The following ABLIM1 variants were observed in gnomAD, a reference collection of about 807,000 sequenced individuals.
The protein encoded by ABLIM1 is actin-binding LIM protein 1.
A neutral mutation model predicts 107.0 loss-of-function variants in ABLIM1; 40 were observed. The observed-to-expected ratio is 0.37, with a 90% confidence interval of 0.29 to 0.49. ABLIM1 has a LOEUF of 0.49. Among genes scored for constraint, ABLIM1 ranks in the 20% least tolerant of loss-of-function variants. ABLIM1 has a pLI of 0.97. For missense variants in ABLIM1, 857 were observed against 1,008.5 expected (o/e 0.85, Z 2.04); for synonymous variants, 357 against 357.3 (o/e 1.00, Z 0.01).
intron 16 of ABLIM1, 131 bp from the exon 17 acceptor site, chr10:114,444,265 C>T: frequency 2.8e-6 from 2 of 726,884 alleles, no homozygotes; most frequent in Non-Finnish European, 4.4e-6. Flanking sequence ...ATGCATGTGG[C>T]CCCAGAGCCT....
intron 6 of ABLIM1, among the ~76,000 whole-genome samples, chr10:114,527,727 C>T (rs777734461): frequency 1.4e-4 from 21 of 145,580 alleles, no homozygotes; most frequent in Admixed American, 7.8e-4. Context: ...ACGATCATAG[C>T]GCAATCAGCT....
intron 8 of ABLIM1, among the ~76,000 whole-genome samples, chr10:114,482,241 T>C (rs993253026): frequency 6.6e-6 from 1 of 152,148 alleles, no homozygotes; most frequent in African/African-American, 2.4e-5. Flanking sequence ...CCAGAATACG[T>C]TTTTCTTAGG....
intron 8 of ABLIM1, among the ~76,000 whole-genome samples, chr10:114,481,186 T>C (rs997259575): frequency 1.3e-5 from 2 of 152,114 alleles, no homozygotes; most frequent in Admixed American, 1.3e-4. Context: ...GTTGAGTAAG[T>C]AGATAAATGA....
At chr10:114,605,916 A>G (rs977556481) in intron 1 of ABLIM1, among the ~76,000 whole-genome samples, 3 of 152,068 alleles carry the variant, frequency 2.0e-5, no homozygotes, top group Admixed American at 6.6e-5. Context: ...GCCATTTTTG[A>G]TGTGTTACTT....
At chr10:114,551,616 T>C (rs968101203) in intron 4 of ABLIM1, among the ~76,000 whole-genome samples, 1 of 152,308 alleles carries the variant, frequency 6.6e-6, no homozygotes, top group Non-Finnish European at 1.5e-5. Flanking sequence ...AAGTGAAAGA[T>C]TGGCCCATGA....
chr10:114,487,301 T>G (rs1481241122), intron 8 of ABLIM1, among the ~76,000 whole-genome samples: 2 of 152,222 alleles, frequency 1.3e-5, no homozygotes, highest in African/African-American at 4.8e-5. Flanking sequence ...TCATTCAGTC[T>G]GATTATTGCA....
intron 8 of ABLIM1, among the ~76,000 whole-genome samples, chr10:114,474,205 G>C (rs1440799829): frequency 1.3e-5 from 2 of 151,990 alleles, no homozygotes; most frequent in African/African-American, 4.8e-5. Flanking sequence ...AGAATTTCTG[G>C]TTTACCTTTG....
At chr10:114,537,013 G>A (rs1426327692) in intron 6 of ABLIM1, among the ~76,000 whole-genome samples, 4 of 152,158 alleles carry the variant, frequency 2.6e-5, no homozygotes, top group Non-Finnish European at 5.9e-5. Flanking sequence ...AACCAACCAA[G>A]CAGTACATGT....
At chr10:114,686,354 A>T (rs1443174059), upstream of ABLIM1, among the ~76,000 whole-genome samples, 12 of 149,742 alleles carry the variant, frequency 8.0e-5, no homozygotes, top group Admixed American at 2.7e-4. Flanking sequence ...ACTAAAAATT[A>T]AAAAAAAAAT....
chr10:114,620,908 G>A (rs905526964), intron 1 of ABLIM1, among the ~76,000 whole-genome samples: 2 of 152,036 alleles, frequency 1.3e-5, no homozygotes, highest in African/African-American at 4.8e-5. Context: ...TCTGTAGTTT[G>A]CCCCAGGCTC....
At chr10:114,539,267 C>T (rs112277592) in intron 6 of ABLIM1, among the ~76,000 whole-genome samples, 2,388 of 152,070 alleles carry the variant, frequency 0.016, 80 homozygotes, top group African/African-American at 0.055. Flanking sequence ...GTGAGACAGG[C>T]GAATCACTTG....
intron 1 of ABLIM1, among the ~76,000 whole-genome samples, chr10:114,715,457 C>A (rs1195089252): frequency 1.3e-5 from 2 of 152,100 alleles, no homozygotes; most frequent in African/African-American, 4.8e-5. Flanking sequence ...TTTAGTGAAA[C>A]CAAACAAAAA....
At chr10:114,469,051 C>CAAA (rs71473043) in intron 10 of ABLIM1, among the ~76,000 whole-genome samples, 159 of 75,160 alleles carry the variant, frequency 2.1e-3, no homozygotes, top group Non-Finnish European at 2.5e-3. Flanking sequence ...GACTCTGTCT[C>CAAA]AAAAAAAAAA....
intron 1 of ABLIM1, among the ~76,000 whole-genome samples, chr10:114,605,309 A>G (rs2076333183): frequency 6.6e-6 from 1 of 152,226 alleles, no homozygotes; most frequent in African/African-American, 2.4e-5. Context: ...TGTTGACTCG[A>G]TGCTACAATT....
chr10:114,596,521 A>C (rs2075430746), intron 2 of ABLIM1, among the ~76,000 whole-genome samples: 1 of 152,272 alleles, frequency 6.6e-6, no homozygotes, highest in South Asian at 2.1e-4. Context: ...CCCCCATCAC[A>C]AAATACAACA....
intron 1 of ABLIM1, among the ~76,000 whole-genome samples, chr10:114,706,733 G>C (rs1023242883): frequency 2.0e-5 from 3 of 152,186 alleles, no homozygotes; most frequent in African/African-American, 7.2e-5. Flanking sequence ...TTTCCTAAAA[G>C]CTGAGAACTT....
chr10:114,767,439 C>G (rs551783789), intron 1 of ABLIM1, among the ~76,000 whole-genome samples: 3 of 152,150 alleles, frequency 2.0e-5, no homozygotes, highest in Non-Finnish European at 4.4e-5. Flanking sequence ...TCCCCAGCAT[C>G]GTCGCTGGCT....
intron 1 of ABLIM1, among the ~76,000 whole-genome samples, chr10:114,607,412 T>G (rs1033220471): frequency 6.6e-6 from 1 of 152,070 alleles, no homozygotes; most frequent in African/African-American, 2.4e-5. Flanking sequence ...CCCAAGGAGG[T>G]GCAGCCTAAC....
chr10:114,594,910 A>G (rs2075268450), intron 2 of ABLIM1: 1 of 152,246 alleles, frequency 6.6e-6, no homozygotes, highest in African/African-American at 2.4e-5. Flanking sequence ...CTCTGCCCTC[A>G]AAGAGCTTAC....
Sources: gnomAD v4.1 joint callset for allele counts (sites outside exome capture counted in the v4.1 genomes callset) on GRCh38, gnomAD v4.1.1 for gene constraint, MANE v1.5 for transcripts, NCBI Gene and HGNC (gene_info 2026-07-23, HGNC 2026-07-21) for gene names.